Variants in SMOX observed in about 807,000 individuals in gnomAD.
SMOX encodes the protein spermine oxidase, also known as flavin containing amine oxidase.
A neutral mutation model predicts 51.0 loss-of-function variants in SMOX; 22 were observed. The ratio of observed to expected loss-of-function variants is 0.43; its 90% confidence interval spans 0.31 to 0.62. SMOX has a LOEUF of 0.62. Among genes scored for constraint, SMOX ranks in the 20% least tolerant of loss-of-function variants. The pLI is 0.10. For synonymous variants in SMOX, 282 were observed against 307.8 expected (o/e 0.92, Z 0.88); for missense variants, 566 against 777.7 (o/e 0.73, Z 3.24).
Position 4,170,792 on chromosome 20 carries a change from T to G in SMOX, c.-26-4238T>G, listed in dbSNP as rs771241224. Among the ~76,000 whole-genome samples the G allele has an allele frequency of 6.6e-6, 1 of 152,160 alleles. No homozygotes were observed. The highest frequency in any genetic ancestry group is 1.5e-5 in the Non-Finnish European group (1 of 68,024). ...GTCCAATGTGGCCTCTTGGGACACT[T>G]CAGTCAGGGTGGTGGTGGCTCTGGA... On this transcript the variant is annotated intron_variant, in intron 1 of 6. Coordinates refer to ENST00000305958, the MANE Select transcript of SMOX (RefSeq NM_175839.3). This position sits in a 1 kb window ranked among gnomAD's most constrained non-coding sequence, Gnocchi z 4.6.
At chr20:4,179,349 G>C (rs969240462) in intron 3 of SMOX, among the ~76,000 whole-genome samples, 2 of 152,146 alleles carry the variant, frequency 1.3e-5, no homozygotes, top group Non-Finnish European at 2.9e-5. Context: ...TTTGATTTTT[G>C]AAAGTCAAGA....
At chr20:4,151,287 G>A (rs1476300716) in intron 1 of SMOX, among the ~76,000 whole-genome samples, 4 of 149,146 alleles carry the variant, frequency 2.7e-5, no homozygotes, top group Admixed American at 6.6e-5. Flanking sequence ...AAGCCAAGCC[G>A]CGTAACCCTC....
At chr20:4,165,027 A>C (rs1191322982) in intron 1 of SMOX, among the ~76,000 whole-genome samples, 4 of 145,170 alleles carry the variant, frequency 2.8e-5, no homozygotes, top group Non-Finnish European at 6.0e-5. Flanking sequence ...CCAGTTGTGC[A>C]TCACCATGCC....
rs1406363860 is a variant in SMOX, at chr20:4,181,598, G to A, written c.436-205G>A. On this transcript the variant is annotated intron_variant, in intron 3 of 6. Coordinates refer to ENST00000305958, the MANE Select transcript of SMOX (RefSeq NM_175839.3). This position sits in a 1 kb window ranked among gnomAD's most constrained non-coding sequence, Gnocchi z 5.6. ...CCTCCGGGGCTTATCCCACCTCCCC[G>A]ACAGGCCGGAGGCGAGGAGGTGGCT... Among the ~76,000 whole-genome samples, 4 of 152,192 alleles carry A rather than the reference G, an allele frequency of 2.6e-5. No homozygotes were observed. Among genetic ancestry groups the A allele is most frequent in the African/African-American group, 7.2e-5 (3 of 41,444 alleles).
intron 1 of SMOX, among the ~76,000 whole-genome samples, chr20:4,152,020 A>T (rs922300653): frequency 2.0e-5 from 3 of 152,110 alleles, no homozygotes; most frequent in African/African-American, 7.2e-5. Flanking sequence ...TTTTCTTTCC[A>T]CAAAAGCAAC....
intron 1 of SMOX, among the ~76,000 whole-genome samples, chr20:4,157,620 A>T (rs1400759006): frequency 6.6e-6 from 1 of 152,136 alleles, no homozygotes; most frequent in Non-Finnish European, 1.5e-5. Flanking sequence ...GTGGCAGCCC[A>T]CAGAAGGTTT....
rs778398126 is a variant in SMOX at position 4,182,344 on chromosome 20, G to A, written c.865G>A (p.Asp289Asn). 1.3e-6 allele frequency: 2 copies of A among 1,593,246 alleles called. No homozygotes were observed. Among genetic ancestry groups the A allele is most frequent in the African/African-American group, 1.3e-5 (1 of 74,690 alleles). ...CCGGGGTGAGGGCGACCACAATCACGACACTGGGGAGGGTGGCCAGGGTGG... is the reference window on the plus strand; with the variant it reads ...CCGGGGTGAGGGCGACCACAATCACAACACTGGGGAGGGTGGCCAGGGTGG... ...EPRGEGDHNH[D>N]TGEGGQGGEE... The change falls in exon 5 of 7, where the codon GAC becomes AAC. Residue 289 changes from aspartate (D) to asparagine (N), a missense_variant. Asp to Asn is a conservative substitution (Grantham distance 23). Coordinates refer to ENST00000305958, the MANE Select transcript of SMOX (RefSeq NM_175839.3). This position sits in a 1 kb window ranked among gnomAD's most constrained non-coding sequence, Gnocchi z 8.4.
In SMOX at chr20:4,182,146, G is replaced by A. The variant is rs1378502623; in HGVS notation, c.667G>A (p.Gly223Arg). The A allele has an allele frequency of 2.5e-6, 4 of 1,612,316 alleles. No individual in the cohort carries two copies. The highest frequency in any genetic ancestry group is 3.4e-6 in the Non-Finnish European group (4 of 1,179,352). The change falls in exon 5 of 7, where the codon GGG becomes AGG. Residue 223 changes from glycine to arginine, a missense_variant. Gly to Arg is a moderately radical substitution (Grantham distance 125). Coordinates refer to ENST00000305958, the MANE Select transcript of SMOX (RefSeq NM_175839.3). The surrounding 1 kb of genome is among the most constrained non-coding windows in gnomAD (Gnocchi z 8.4). ...GGACGAGGTGTCCCTGAGCGCCTTC[G>A]GGGAGTGGACCGAGATCCCCGGCGC... ...SMDEVSLSAF[G>R]EWTEIPGAHH...
intron 1 of SMOX, among the ~76,000 whole-genome samples, chr20:4,168,804 G>A (rs1309482704): frequency 6.6e-6 from 1 of 151,966 alleles, no homozygotes; most frequent in Non-Finnish European, 1.5e-5. Context: ...TGATCCGCCC[G>A]CCTCGGCCTC....
At chr20:4,161,476 G>A (rs545648973) in intron 1 of SMOX, among the ~76,000 whole-genome samples, 1 of 152,304 alleles carries the variant, frequency 6.6e-6, no homozygotes, top group African/African-American at 2.4e-5. Context: ...TCAGCTTGTT[G>A]TGAAGGGCAA....
At chr20:4,150,861 C>T (rs1380893119) in intron 1 of SMOX, among the ~76,000 whole-genome samples, 2 of 113,994 alleles carry the variant, frequency 1.8e-5, no homozygotes, top group South Asian at 2.8e-4. Flanking sequence ...GACGGAGTTT[C>T]GCTCTTTTCG....
Position 4,162,222 on chromosome 20 carries a change from C to T in SMOX, c.-26-12808C>T, listed in dbSNP as rs374194649. 2.8e-4 allele frequency among the ~76,000 whole-genome samples: 42 copies of T among 152,284 alleles called. No individual in the cohort carries two copies. In the Middle Eastern group the frequency reaches 0.01, roughly 37 times the overall value. ...CGGGAGGTGTGTTCTCCCCACCTGACGCTGGAAGGCTTCCCCACTCCCCAC... is the reference window on the plus strand; with the variant it reads ...CGGGAGGTGTGTTCTCCCCACCTGATGCTGGAAGGCTTCCCCACTCCCCAC... On this transcript the variant is annotated intron_variant, in intron 1 of 6. Coordinates refer to ENST00000305958, the MANE Select transcript of SMOX (RefSeq NM_175839.3).
chr20:4,165,892 A>G (rs73893386), intron 1 of SMOX, among the ~76,000 whole-genome samples: 3,364 of 152,276 alleles, frequency 0.022, 125 homozygotes, highest in African/African-American at 0.074. Flanking sequence ...TACCTCTGCA[A>G]GATCTGGAAT....
chr20:4,181,175 T>C lies in SMOX; in HGVS notation c.436-628T>C, dbSNP rs1190227423. 6.6e-6 allele frequency among the ~76,000 whole-genome samples: 1 copy of C among 152,198 alleles called. No homozygotes were observed. ...AATGCATCTCCCTTCCTTGGCACAC[T>C]GGGGCCTCCTGAGACCCTGGCTTTT... On this transcript the variant is annotated intron_variant, in intron 3 of 6. Transcript: ENST00000305958. The surrounding 1 kb of genome is among the most constrained non-coding windows in gnomAD (Gnocchi z 5.6).
rs11418906 is a variant in SMOX, at chr20:4,184,161, C to CTT, written c.1530+521_1530+522dup. ...CCACCATGTCCAGCTAATTTTTGTA[C>CTT]TTTTTTTTTTTTTTTGGTAGAGATG... is the stretch of plus-strand genomic sequence containing the variant. On this transcript the variant is annotated intron_variant, in intron 6 of 6. Transcript: ENST00000305958. Among the ~76,000 whole-genome samples, 16 of 137,814 alleles carry CTT rather than the reference C, an allele frequency of 1.2e-4. 1 individual carries two copies. In the East Asian group the frequency reaches 1.3e-3, roughly 11 times the overall value. 90.4% of individuals were successfully genotyped at this position (137,814 alleles called of 152,430 possible).
intron 1 of SMOX, among the ~76,000 whole-genome samples, chr20:4,162,921 G>C (rs145122038): frequency 6.6e-6 from 1 of 152,238 alleles, no homozygotes; most frequent in African/African-American, 2.4e-5. Flanking sequence ...GGATGCGGCT[G>C]TGTGTGTCGG....
intron 1 of SMOX, among the ~76,000 whole-genome samples, chr20:4,154,158 C>T (rs1393017077): frequency 6.6e-6 from 1 of 152,028 alleles, no homozygotes; most frequent in African/African-American, 2.4e-5. Context: ...AAGGCCTTGG[C>T]TGCCAAGCTG....
At chr20:4,155,751 G>GT (rs1568729766) in intron 1 of SMOX, among the ~76,000 whole-genome samples, 1 of 152,020 alleles carries the variant, frequency 6.6e-6, no homozygotes, top group East Asian at 1.9e-4. Context: ...CCTGGGGTGC[G>GT]TATCTGAGGA....
At chr20:4,169,471 A>G (rs1289692215) in intron 1 of SMOX, among the ~76,000 whole-genome samples, 1 of 152,168 alleles carries the variant, frequency 6.6e-6, no homozygotes, top group East Asian at 1.9e-4. Flanking sequence ...TGTTAAAGAA[A>G]GGGCACTGCA....
Sources: gnomAD v4.1 joint callset for allele counts (sites outside exome capture counted in the v4.1 genomes callset) on GRCh38, gnomAD v4.1.1 for gene constraint, Gnocchi (gnomAD v3.1) non-coding constraint, MANE v1.5 for transcripts, NCBI Gene and HGNC (gene_info 2026-07-23, HGNC 2026-07-21) for gene names.